WDFY4: variants seen among roughly 807,000 people sequenced by gnomAD.
The protein encoded by WDFY4 is WD repeat- and FYVE domain-containing protein 4.
Under a neutral mutation model 351.9 loss-of-function variants are expected in WDFY4, and 169 were observed. The observed-to-expected ratio is 0.48, with a 90% CI of 0.42 to 0.55. The LOEUF (loss-of-function observed/expected upper bound fraction) is 0.55, where lower values mean the gene tolerates loss of function less well. WDFY4 is among the 20% of genes least tolerant of loss of function. The probability of loss-of-function intolerance (pLI) is 0.00; values close to 1 mark genes in which losing one functional copy is unlikely to be tolerated. For missense variants in WDFY4, 3,803 were observed against 3,935.6 expected (o/e 0.97, Z 0.90); for synonymous variants, 1,622 against 1,574.6 (o/e 1.03, Z -0.71).
intron 5 of WDFY4, 65 bp downstream of exon 5, chr10:48,723,632 T>C: frequency 2.0e-6 from 3 of 1,538,276 alleles, no homozygotes; most frequent in African/African-American, 1.4e-5. Context: ...GACTCTCCAA[T>C]GCTTCCCGTA....
At chr10:48,795,491 GTATATATATATATATA>G (rs60705301) in intron 23 of WDFY4, among the ~76,000 whole-genome samples, 1 of 101,240 alleles carries the variant, frequency 9.9e-6, no homozygotes, top group African/African-American at 4.5e-5. Context: ...GTGTGTGTCT[GTATATATATATATATA>G]TATATATATA....
chr10:48,867,052 C>G (rs1379882154), intron 39 of WDFY4, among the ~76,000 whole-genome samples: 1 of 151,940 alleles, frequency 6.6e-6, no homozygotes, highest in Non-Finnish European at 1.5e-5. Context: ...CGCCTGAAAT[C>G]CCAGCTACTT....
chr10:48,827,955 G>C (rs548434352), intron 36 of WDFY4, among the ~76,000 whole-genome samples: 1 of 152,144 alleles, frequency 6.6e-6, no homozygotes, highest in East Asian at 1.9e-4. Flanking sequence ...CAGGTAAAGA[G>C]GAGCAGAATG....
intron 39 of WDFY4, among the ~76,000 whole-genome samples, chr10:48,850,961 G>T (rs986916737): frequency 6.6e-6 from 1 of 152,316 alleles, no homozygotes. Flanking sequence ...TCTTTCCTAG[G>T]CAAATATACA....
At chr10:48,933,012 C>T (rs575490318) in intron 47 of WDFY4, among the ~76,000 whole-genome samples, 4 of 152,134 alleles carry the variant, frequency 2.6e-5, no homozygotes, top group East Asian at 1.9e-4. Context: ...ATAAGGATAA[C>T]GCTGGCCGTG....
chr10:48,932,213 T>C (rs1311682431), intron 47 of WDFY4, among the ~76,000 whole-genome samples: 1 of 152,226 alleles, frequency 6.6e-6, no homozygotes, highest in Non-Finnish European at 1.5e-5. Flanking sequence ...ATCTGGCTTC[T>C]ACCACCAGTG....
intron 2 of WDFY4, among the ~76,000 whole-genome samples, chr10:48,712,641 G>A (rs116476844): frequency 0.024 from 3,595 of 152,340 alleles, 143 homozygotes; most frequent in African/African-American, 0.083. Flanking sequence ...AGGTGGGGAA[G>A]ATGGGAGATT....
At chr10:48,890,428 A>G (rs1403737967) in intron 43 of WDFY4, 151 bp from the exon 44 acceptor site, 7 of 953,314 alleles carry the variant, frequency 7.3e-6, no homozygotes, top group Non-Finnish European at 1.1e-5. Flanking sequence ...AGAGCAGTAC[A>G]GTCCTGGGAC....
intron 39 of WDFY4, among the ~76,000 whole-genome samples, chr10:48,857,319 A>G (rs1413607048): frequency 2.7e-5 from 4 of 147,680 alleles, no homozygotes; most frequent in Admixed American, 6.8e-5. Flanking sequence ...TTCATCAAAG[A>G]TATTCTTAAG....
In WDFY4 at chr10:48,743,299, C is replaced by G. The variant is rs1331731680; in HGVS notation, c.2210C>G (p.Thr737Arg). Reference sequence around the variant, plus strand: ...AACCTGCTGCGCTCTTGGGTGGACACAAAGGCCAGGCCATTTGCAGATTTG... The same window carrying G: ...AACCTGCTGCGCTCTTGGGTGGACAGAAAGGCCAGGCCATTTGCAGATTTG... ...EGNLLRSWVD[T>R]KARPFADLLG... The change falls in exon 12 of 62, where the codon ACA becomes AGA. Residue 737 changes from threonine (T) to arginine (R), a missense_variant. Physicochemically the swap from Thr to Arg is moderately conservative, Grantham distance 71 (BLOSUM62 -1). Transcript: ENST00000325239. 1.2e-5 allele frequency: 18 copies of G among 1,551,586 alleles called. No individual in the cohort carries two copies. The East Asian group carries it at 4.4e-4, about 38-fold the overall frequency.
chr10:48,797,161 T>C (rs2066903923), intron 24 of WDFY4, among the ~76,000 whole-genome samples: 1 of 152,128 alleles, frequency 6.6e-6, no homozygotes, highest in African/African-American at 2.4e-5. Context: ...AGGTGGAGTG[T>C]ATATGCTATT....
chr10:48,905,020 G>T (rs1260839244), intron 47 of WDFY4, among the ~76,000 whole-genome samples: 1 of 152,226 alleles, frequency 6.6e-6, no homozygotes, highest in Non-Finnish European at 1.5e-5. Flanking sequence ...TCTCCCTGGA[G>T]CAATGCTGCA....
At position 48,729,607 on chromosome 10, in the gene WDFY4, C is replaced by T. The variant is rs2132327869; in HGVS notation, c.1129+18C>T. On this transcript the variant is annotated intron_variant, in intron 8 of 61. Coordinates refer to ENST00000325239, the MANE Select transcript of WDFY4 (RefSeq NM_001394531.1). Reference sequence around the variant, plus strand: ...GGCATCTGGTGAGTCTTTCCTGTGTCTGGGTGACCGGAAGAGTCAGTGCTG... The same window carrying T: ...GGCATCTGGTGAGTCTTTCCTGTGTTTGGGTGACCGGAAGAGTCAGTGCTG... The T allele has an allele frequency of 6.4e-7, 1 of 1,551,074 alleles. No individual in the cohort carries two copies. The highest frequency in any genetic ancestry group is 2.4e-5 in the East Asian group (1 of 40,916).
chr10:48,924,350 T>A (rs1839387802), intron 47 of WDFY4, among the ~76,000 whole-genome samples: 1 of 152,226 alleles, frequency 6.6e-6, no homozygotes, highest in African/African-American at 2.4e-5. Flanking sequence ...GAAGCCATGA[T>A]CTTTTGATCA....
At chr10:48,742,044 C>T (rs911361228) in intron 11 of WDFY4, among the ~76,000 whole-genome samples, 3 of 152,102 alleles carry the variant, frequency 2.0e-5, no homozygotes, top group East Asian at 1.9e-4. Flanking sequence ...TGTAGCCCCC[C>T]CTCCCTCTCT....
Position 48,946,177 on chromosome 10 carries a change from T to G in WDFY4, c.7867+20T>G. 6.6e-7 allele frequency: 1 copy of G among 1,519,266 alleles called. No homozygotes were observed. Among genetic ancestry groups the G allele is most frequent in the East Asian group, 2.5e-5 (1 of 40,446 alleles). The allele number at this position is 1,519,266 out of a possible 1,614,324, so 94.1% of individuals were successfully genotyped here. The stretch of plus-strand genomic sequence containing the variant: ...CTGAAGGTGAGTAGATCCAGCTTGA[T>G]TTTTGGTGCAGTGTTATTCATCGGG... On this transcript the variant is annotated intron_variant, in intron 50 of 61. Transcript: ENST00000325239.
intron 48 of WDFY4, among the ~76,000 whole-genome samples, chr10:48,942,050 T>C (rs982541857): frequency 1.3e-5 from 2 of 152,164 alleles, no homozygotes; most frequent in African/African-American, 4.8e-5. Context: ...CGGCAACCTC[T>C]GTCTCTTGGG....
chr10:48,758,162 C>G (rs2065391428), intron 12 of WDFY4, among the ~76,000 whole-genome samples: 1 of 152,124 alleles, frequency 6.6e-6, no homozygotes, highest in Admixed American at 6.5e-5. Flanking sequence ...CATCTGGGAA[C>G]ACATTTATTT....
intron 12 of WDFY4, among the ~76,000 whole-genome samples, chr10:48,745,224 TAC>T (rs2064972980): frequency 2.0e-5 from 3 of 152,374 alleles, no homozygotes; most frequent in Admixed American, 2.0e-4. Context: ...TTTCCATTGT[TAC>T]AGTGTTTCTA....
Sources: gnomAD v4.1 joint callset for allele counts (sites outside exome capture counted in the v4.1 genomes callset) on GRCh38, gnomAD v4.1.1 for gene constraint, MANE v1.5 for transcripts, NCBI Gene and HGNC (gene_info 2026-07-23, HGNC 2026-07-21) for gene names.